The following FBRSL1 variants were observed in gnomAD, a reference collection of about 807,000 sequenced individuals.
The protein encoded by FBRSL1 is fibrosin like 1.
FBRSL1 carries 51 observed loss-of-function variants against 89.6 expected under a neutral mutation model. The ratio of observed to expected loss-of-function variants is 0.57; its 90% CI spans 0.45 to 0.72. The LOEUF is 0.72. Among genes scored for constraint, FBRSL1 ranks in the 30% least tolerant of loss-of-function variants. The probability of loss-of-function intolerance (pLI) is 0.00; values close to 1 mark genes in which losing one functional copy is unlikely to be tolerated. For synonymous variants in FBRSL1, 779 were observed against 681.1 expected, an observed-to-expected ratio of 1.14 and a Z score of -2.24; for missense variants, 1,618 against 1,451.8, an observed-to-expected ratio of 1.11 and a Z score of -1.86.
chr12:132,551,860 T>C (rs2038194177), intron 5 of FBRSL1: 1 of 324,936 alleles, frequency 3.1e-6, no homozygotes, highest in Admixed American at 3.9e-5. Context: ...AAGAGCGATA[T>C]GGGACTCCAT....
intron 6 of FBRSL1, 138 bp downstream of exon 6, chr12:132,567,664 G>C (rs1214623707): frequency 3.4e-6 from 3 of 889,732 alleles, no homozygotes; most frequent in Non-Finnish European, 3.5e-6. Context: ...GTGGGACCAG[G>C]GTGCTGGGAT....
At chr12:132,522,348 GGGA>G (rs1470962321) in intron 2 of FBRSL1, among the ~76,000 whole-genome samples, 2 of 152,270 alleles carry the variant, frequency 1.3e-5, no homozygotes, top group South Asian at 4.1e-4. Flanking sequence ...CTGGAGCTGG[GGGA>G]CGGTGTGGAG....
rs898840489 is a variant in FBRSL1 at position 132,509,481 on chromosome 12, C to T, written c.489+1131C>T. The T allele has an allele frequency of 1.2e-5, 15 of 1,240,202 alleles. No individual in the cohort carries two copies. In the Middle Eastern group the frequency reaches 9.3e-4, roughly 77 times the overall value. 76.8% of individuals were successfully genotyped at this position (1,240,202 alleles called of 1,614,324 possible). A position where few individuals can be genotyped will look rare whatever the true frequency, so the allele number is the denominator to read the frequency against. ...CCCAGATCAGCTCTGCCAGCCCCAGCGGTCACGCCCGGCCCAGCCCTGCCG... is the reference window on the plus strand; with the variant it reads ...CCCAGATCAGCTCTGCCAGCCCCAGTGGTCACGCCCGGCCCAGCCCTGCCG... On this transcript the variant is annotated intron_variant, in intron 2 of 18. Coordinates refer to ENST00000680143, the MANE Select transcript of FBRSL1 (RefSeq NM_001367871.1).
In FBRSL1 at chr12:132,530,994, T is replaced by TTGGG. The variant is rs796511853; in HGVS notation, c.615+3006_615+3007insTGGG. ...CCCTGCGGGCCCCTTGTGTCCAGTG[T>TTGGG]GGGGGGGGGGGTGCAGGTGAGAGCC... On this transcript the variant is annotated intron_variant, in intron 4 of 18. Coordinates refer to ENST00000680143, the MANE Select transcript of FBRSL1 (RefSeq NM_001367871.1). Among the ~76,000 whole-genome samples the TTGGG allele has an allele frequency of 1.3e-4, 11 of 86,622 alleles. 1 individual carries two copies. Among genetic ancestry groups the TTGGG allele is most frequent in the Non-Finnish European group, 2.3e-4 (10 of 44,088 alleles). 56.8% of individuals were successfully genotyped at this position (86,622 alleles called of 152,430 possible).
rs906586323 is a variant in FBRSL1, at chr12:132,556,744, C to T, written c.645+8712C>T. 3.9e-4 allele frequency among the ~76,000 whole-genome samples: 19 copies of T among 49,170 alleles called. 2 individuals are homozygous for T. Among genetic ancestry groups the T allele is most frequent in the Admixed American group, 1.7e-3 (9 of 5,302 alleles). The allele number at this position is 49,170 out of a possible 152,430, so 32.3% of individuals were successfully genotyped here. A position where few individuals can be genotyped will look rare whatever the true frequency, so the allele number is the denominator to read the frequency against. On this transcript the variant is annotated intron_variant, in intron 5 of 18. Transcript: ENST00000680143. ...TGTGGGACGCTCTTCTTCAGGCCTT[C>T]GTGCTGCACCCCAACCCCTGTCCTG... is the stretch of plus-strand genomic sequence containing the variant.
intron 1 of FBRSL1, among the ~76,000 whole-genome samples, chr12:132,496,198 G>T (rs1343524764): frequency 6.6e-6 from 1 of 152,254 alleles, no homozygotes; most frequent in Admixed American, 6.5e-5. Flanking sequence ...TCCTGCAGCA[G>T]GGAGTCAGAC....
chr12:132,534,057 C>T (rs1046941605), intron 4 of FBRSL1, among the ~76,000 whole-genome samples: 1 of 152,156 alleles, frequency 6.6e-6, no homozygotes, highest in African/African-American at 2.4e-5. Context: ...TCCCCCACCA[C>T]CCCAGGCTAA....
chr12:132,539,087 G>C (rs534678055), intron 4 of FBRSL1, among the ~76,000 whole-genome samples: 43 of 152,098 alleles, frequency 2.8e-4, no homozygotes, highest in East Asian at 1.4e-3. Flanking sequence ...AGGTGGGTCT[G>C]TGGCGACTTG....
At chr12:132,582,402 GTTCCCCTTCCCCGTTC>G (rs772285710) in intron 18 of FBRSL1, 136 bp downstream of exon 18, 25,309 of 635,828 alleles carry the variant, frequency 0.04, 851 homozygotes, top group Non-Finnish European at 0.054. Context: ...CCCTCCCCCT[GTTCCCCTTCCCCGTTC>G]CCCCTCCCCC....
At chr12:132,496,535 G>A (rs988336223) in intron 1 of FBRSL1, among the ~76,000 whole-genome samples, 13 of 152,198 alleles carry the variant, frequency 8.5e-5, no homozygotes, top group Non-Finnish European at 1.6e-4. Context: ...TACTTTGTTG[G>A]ATTCCCTCCT....
At position 132,583,217 on chromosome 12, in the gene FBRSL1, G is replaced by C. The variant is rs1313221544; in HGVS notation, c.2448G>C (p.Glu816Asp). Residue 816 changes from glutamate (E) to aspartate (D), a missense_variant, in exon 19 of 19, where the codon GAG becomes GAC. Transcript: ENST00000680143. ...KAAPGDVKVK[E>D]ERGEDEASEP... ...CCCCTGGAGACGTGAAGGTCAAGGA[G>C]GAGCGCGGGGAGGACGAGGCCTCCG... 2 of 1,410,992 alleles carry C rather than the reference G, an allele frequency of 1.4e-6. No homozygotes were observed. Among genetic ancestry groups the C allele is most frequent in the African/African-American group, 3.0e-5 (2 of 66,134 alleles). The allele number at this position is 1,410,992 out of a possible 1,614,324, so 87.4% of individuals were successfully genotyped here.
intron 15 of FBRSL1, among the ~76,000 whole-genome samples, chr12:132,579,293 G>A (rs12308215): frequency 0.1 from 15,314 of 152,186 alleles, 850 homozygotes; most frequent in Middle Eastern, 0.15. Context: ...GGGGTACATC[G>A]ACCTAAGAGG....
intron 6 of FBRSL1, among the ~76,000 whole-genome samples, chr12:132,568,748 C>T (rs898833904): frequency 2.0e-5 from 3 of 151,992 alleles, no homozygotes; most frequent in East Asian, 1.9e-4. Context: ...CTGGGAAAGC[C>T]GGTGGAGATA....
In FBRSL1 at chr12:132,583,426, G is replaced by A. The variant is rs1212893477; in HGVS notation, c.2657G>A (p.Arg886His). 3 of 1,073,548 alleles carry A rather than the reference G, an allele frequency of 2.8e-6. No individual in the cohort carries two copies. Among genetic ancestry groups the A allele is most frequent in the Non-Finnish European group, 3.4e-6 (3 of 885,894 alleles). 66.5% of individuals were successfully genotyped at this position (1,073,548 alleles called of 1,614,324 possible). ...TTGGAGCCCCCGGAGCGCCCCTACC[G>A]CGACCGCGAGCCCCACGGCTACAGC... ...ALLEPPERPY[R>H]DREPHGYSPE... The change falls in exon 19 of 19, where the codon CGC becomes CAC. Residue 886 changes from arginine to histidine, a missense_variant. Transcript: ENST00000680143.
At chr12:132,502,449 C>T (rs999350541) in intron 1 of FBRSL1, among the ~76,000 whole-genome samples, 2 of 152,190 alleles carry the variant, frequency 1.3e-5, no homozygotes, top group Non-Finnish European at 2.9e-5. Flanking sequence ...GATCCGTGGT[C>T]TTCCAGTAAA....
chr12:132,508,183 A>G lies in FBRSL1; in HGVS notation c.322A>G (p.Lys108Glu). 1 of 1,551,186 alleles carries G rather than the reference A, an allele frequency of 6.4e-7. No individual in the cohort carries two copies. The highest frequency in any genetic ancestry group is 8.7e-7 in the Non-Finnish European group (1 of 1,146,928). Residue 108 changes from lysine to glutamate, a missense_variant, in exon 2 of 19, where the codon AAG (lysine) becomes GAG (glutamate). Physicochemically the swap from Lys to Glu is moderately conservative, Grantham distance 56. Coordinates refer to ENST00000680143, the MANE Select transcript of FBRSL1 (RefSeq NM_001367871.1). Reference sequence around the variant, plus strand: ...TATGGCCCTGAAGCCACATGAGCGGAAGGAGAAGTGGGAGCGTCGTCTCAT... The same window carrying G: ...TATGGCCCTGAAGCCACATGAGCGGGAGGAGAAGTGGGAGCGTCGTCTCAT... ...KDMALKPHERKEKWERRLIKK... is the reference protein window; with the variant it reads ...KDMALKPHEREEKWERRLIKK...
At chr12:132,579,552 C>T (rs1256352064) in intron 15 of FBRSL1, among the ~76,000 whole-genome samples, 2 of 152,228 alleles carry the variant, frequency 1.3e-5, no homozygotes, top group African/African-American at 2.4e-5. Context: ...AGACATTTGT[C>T]TGTCAATTCC....
rs2040743425 is a variant in FBRSL1, at chr12:132,581,487, G to A, written c.1883G>A (p.Gly628Asp). ...CCATTTGGACCCTCAGCCCATCCTGGCAGCTTCCTGCCCACTGGCCCCCTG... is the reference window on the plus strand; with the variant it reads ...CCATTTGGACCCTCAGCCCATCCTGACAGCTTCCTGCCCACTGGCCCCCTG... Reference protein sequence around the residue: ...SNPFGPSAHPGSFLPTGPLTD... With the variant: ...SNPFGPSAHPDSFLPTGPLTD... Residue 628 changes from glycine to aspartate, a missense_variant, in exon 16 of 19, where the codon GGC becomes GAC. Coordinates refer to ENST00000680143, the MANE Select transcript of FBRSL1 (RefSeq NM_001367871.1). 3 of 1,550,968 alleles carry A rather than the reference G, an allele frequency of 1.9e-6. No individual in the cohort carries two copies. Among genetic ancestry groups the A allele is most frequent in the Non-Finnish European group, 2.6e-6 (3 of 1,146,948 alleles).
chr12:132,500,723 C>T (rs1470207909), intron 1 of FBRSL1, among the ~76,000 whole-genome samples: 1 of 152,196 alleles, frequency 6.6e-6, no homozygotes, highest in African/African-American at 2.4e-5. Context: ...CTCCGTCCAG[C>T]CCGGGACAGC....
Sources: allele counts gnomAD v4.1 joint callset (sites outside exome capture counted in the v4.1 genomes callset), GRCh38; gene constraint gnomAD v4.1.1; transcripts MANE v1.5; gene names NCBI Gene and HGNC (gene_info 2026-07-23, HGNC 2026-07-21).